Variants in CTNND2 observed in about 807,000 individuals in gnomAD.
CTNND2 encodes catenin delta-2.
In CTNND2, 22 loss-of-function variants were observed where a neutral mutation model predicts 144.4. The observed-to-expected ratio is 0.15, with a 90% CI of 0.11 to 0.22. CTNND2 has a LOEUF of 0.22. Ranked by LOEUF, CTNND2 falls within the 10% of genes least tolerant of loss-of-function variation. The pLI is 1.00. For missense variants in CTNND2, 1,353 were observed against 1,618.8 expected (o/e 0.84, Z 2.82); for synonymous variants, 751 against 695.6 (o/e 1.08, Z -1.25).
intron 2 of CTNND2, among the ~76,000 whole-genome samples, chr5:11,595,042 C>T (rs770299948): frequency 9.2e-5 from 14 of 152,182 alleles, no homozygotes; most frequent in Non-Finnish European, 1.9e-4. Flanking sequence ...ACTGCGTCTG[C>T]CTTCCAAGGG....
intron 10 of CTNND2, among the ~76,000 whole-genome samples, chr5:11,220,319 G>GA (rs1207674291): frequency 2.0e-5 from 3 of 152,150 alleles, no homozygotes; most frequent in African/African-American, 4.8e-5. Flanking sequence ...GGTGGCAACA[G>GA]AAAAAATATT....
chr5:11,662,149 A>ATATATATGTG (rs1410699181), intron 2 of CTNND2, among the ~76,000 whole-genome samples: 2 of 116,504 alleles, frequency 1.7e-5, no homozygotes, highest in Admixed American at 1.6e-4. Context: ...ATATATACAC[A>ATATATATGTG]TATATATGTG....
chr5:11,850,077 T>TA (rs541773558), intron 1 of CTNND2, among the ~76,000 whole-genome samples: 143 of 151,948 alleles, frequency 9.4e-4, no homozygotes, highest in African/African-American at 3.1e-3. Context: ...TAAAGTATAA[T>TA]AAAAAAACAG....
chr5:11,128,029 GA>G (rs752396401), intron 12 of CTNND2, among the ~76,000 whole-genome samples: 45 of 144,780 alleles, frequency 3.1e-4, no homozygotes, highest in Admixed American at 4.1e-4. Context: ...ATGGAAAAAA[GA>G]AAAAAAAAAG....
chr5:10,999,652 T>G (rs2149511311), intron 18 of CTNND2, among the ~76,000 whole-genome samples: 1 of 152,356 alleles, frequency 6.6e-6, no homozygotes, highest in South Asian at 2.1e-4. Context: ...TGATATGATA[T>G]CTGTGCCTCA....
chr5:11,766,376 TGGGAG>T (rs1354248246), intron 1 of CTNND2, among the ~76,000 whole-genome samples: 1 of 152,126 alleles, frequency 6.6e-6, no homozygotes, highest in Non-Finnish European at 1.5e-5. Context: ...AAGGACCCAG[TGGGAG>T]GTAACTGAAT....
chr5:11,397,298 G>A, intron 5 of CTNND2, 95 bp from the exon 6 acceptor site: 1 of 1,003,924 alleles, frequency 1.0e-6, no homozygotes, highest in South Asian at 2.2e-5. Flanking sequence ...ATTATCTCAT[G>A]CACATGATTC....
At chr5:11,510,897 C>T (rs1227622092) in intron 3 of CTNND2, among the ~76,000 whole-genome samples, 1 of 151,270 alleles carries the variant, frequency 6.6e-6, no homozygotes, top group Non-Finnish European at 1.5e-5. Flanking sequence ...AGCTACTGCA[C>T]CCTAGCCTGG....
At chr5:11,349,560 C>T (rs1330017622) in intron 8 of CTNND2, among the ~76,000 whole-genome samples, 1 of 152,126 alleles carries the variant, frequency 6.6e-6, no homozygotes, top group African/African-American at 2.4e-5. Flanking sequence ...AACCTCAAAG[C>T]TGTAGATTAT....
intron 9 of CTNND2, among the ~76,000 whole-genome samples, chr5:11,344,126 C>T (rs1397597657): frequency 6.6e-6 from 1 of 152,144 alleles, no homozygotes; most frequent in Non-Finnish European, 1.5e-5. Flanking sequence ...AACATGTTGC[C>T]GGGCGCGGTG....
At chr5:11,163,455 C>T (rs929944412) in intron 11 of CTNND2, among the ~76,000 whole-genome samples, 10 of 152,358 alleles carry the variant, frequency 6.6e-5, no homozygotes, top group Middle Eastern at 6.8e-3. Context: ...TACTCCCTCA[C>T]ACTTAGACAG....
intron 14 of CTNND2, among the ~76,000 whole-genome samples, chr5:11,100,461 C>T (rs768370568): frequency 3.9e-5 from 6 of 152,158 alleles, no homozygotes; most frequent in African/African-American, 1.4e-4. Flanking sequence ...GAACTAGCCC[C>T]GTCACATTGC....
intron 2 of CTNND2, among the ~76,000 whole-genome samples, chr5:11,706,966 G>C (rs1785736902): frequency 6.6e-6 from 1 of 151,392 alleles, no homozygotes; most frequent in Non-Finnish European, 1.5e-5. Context: ...GGCGCCTGTA[G>C]TCCCAGCTAC....
At chr5:11,536,519 T>C (rs1479107553) in intron 3 of CTNND2, among the ~76,000 whole-genome samples, 2 of 152,192 alleles carry the variant, frequency 1.3e-5, no homozygotes, top group African/African-American at 4.8e-5. Flanking sequence ...ATGTGGTATA[T>C]ATTTACCATG....
intron 16 of CTNND2, among the ~76,000 whole-genome samples, chr5:11,075,012 G>A (rs923674512): frequency 2.6e-5 from 4 of 151,928 alleles, no homozygotes; most frequent in Admixed American, 2.6e-4. Flanking sequence ...TCCATGTGGG[G>A]AAAGGAATAG....
At chr5:11,290,948 C>A (rs1748279343) in intron 9 of CTNND2, among the ~76,000 whole-genome samples, 1 of 152,148 alleles carries the variant, frequency 6.6e-6, no homozygotes, top group African/African-American at 2.4e-5. Context: ...TTAGCAGAGT[C>A]CTAGGGAGTT....
At chr5:10,986,369 TAATA>T (rs1737955003) in intron 20 of CTNND2, among the ~76,000 whole-genome samples, 4 of 152,310 alleles carry the variant, frequency 2.6e-5, no homozygotes, top group Admixed American at 2.6e-4. Flanking sequence ...TGAAACTGAA[TAATA>T]ATGCAGTCGA....
intron 11 of CTNND2, among the ~76,000 whole-genome samples, chr5:11,198,794 G>GA (rs1737127631): frequency 6.6e-6 from 1 of 152,186 alleles, no homozygotes. Context: ...AAAAGGGAGG[G>GA]ATGACAGCTT....
At chr5:11,107,018 A>C (rs1356491212) in intron 14 of CTNND2, among the ~76,000 whole-genome samples, 1 of 152,198 alleles carries the variant, frequency 6.6e-6, no homozygotes, top group Non-Finnish European at 1.5e-5. Context: ...CCCACCTCTG[A>C]AGACTCAAGA....
Sources: gnomAD v4.1 joint callset for allele counts (sites outside exome capture counted in the v4.1 genomes callset) on GRCh38, gnomAD v4.1.1 for gene constraint, MANE v1.5 for transcripts, NCBI Gene and HGNC (gene_info 2026-07-23, HGNC 2026-07-21) for gene names.